The following GFPT1 variants were observed in gnomAD, a reference collection of about 807,000 sequenced individuals.
GFPT1 encodes glutamine--fructose-6-phosphate transaminase 1, also known as glutamine--fructose-6-phosphate aminotransferase [isomerizing] 1.
Under a neutral mutation model 92.0 loss-of-function variants are expected in GFPT1, and 40 were observed. The ratio of observed to expected loss-of-function variants is 0.43; its 90% confidence interval spans 0.34 to 0.57. The LOEUF is 0.57. Ranked by LOEUF, GFPT1 falls within the 20% of genes least tolerant of loss-of-function variation. The pLI is 0.02. For missense variants in GFPT1, 448 were observed against 869.1 expected, an observed-to-expected ratio of 0.52 and a Z score of 6.09; for synonymous variants, 269 against 280.6, an observed-to-expected ratio of 0.96 and a Z score of 0.41.
At position 69,384,570 on chromosome 2, in the gene GFPT1, G is replaced by A. The variant is rs148614976; in HGVS notation, c.7+2495C>T. On this transcript the variant is annotated intron_variant, in intron 1 of 19. Coordinates refer to ENST00000357308, the MANE Select transcript of GFPT1 (RefSeq NM_001244710.2). ...CTACCAAAAATGCAAAAATTAGCCA[G>A]GTGTGGTGGTACACCCCTGTAATCC... Among the ~76,000 whole-genome samples the A allele has an allele frequency of 5.5e-3, 836 of 151,674 alleles. 3 individuals carry two copies. The highest frequency in any genetic ancestry group is 8.0e-3 in the Non-Finnish European group (542 of 67,842).
At chr2:69,371,097 G>A (rs1311581384) in intron 2 of GFPT1, among the ~76,000 whole-genome samples, 13 of 128,922 alleles carry the variant, frequency 1.0e-4, no homozygotes, top group African/African-American at 3.7e-4. Context: ...TTTTTTTTGA[G>A]ACAGGTTCTT....
intron 1 of GFPT1, among the ~76,000 whole-genome samples, chr2:69,376,655 A>C (rs955450283): frequency 2.0e-5 from 3 of 152,240 alleles, no homozygotes; most frequent in Non-Finnish European, 4.4e-5. Context: ...GATTGTTTGC[A>C]GATTGTCCAG....
In GFPT1 at chr2:69,320,040, T is replaced by C. The variant is rs1301831995; in HGVS notation, c.*6149A>G. ...CTTCCATCTCCTTATGGGCATTACT[T>C]GAAGATAACAATGGAGCAAGCTTTT... On this transcript the variant is annotated 3_prime_UTR_variant, in exon 20 of 20. Transcript: ENST00000357308. 3 of 152,210 alleles carry C rather than the reference T, an allele frequency of 2.0e-5. No homozygotes were observed. The highest frequency in any genetic ancestry group is 7.2e-5 in the African/African-American group (3 of 41,450). 9.4% of individuals were successfully genotyped at this position (152,210 alleles called of 1,614,324 possible).
chr2:69,347,842 G>GTT (rs1558749093), intron 11 of GFPT1, among the ~76,000 whole-genome samples: 3 of 152,060 alleles, frequency 2.0e-5, no homozygotes, highest in African/African-American at 7.2e-5. Context: ...TTATCCTCAT[G>GTT]TTATATATAA....
chr2:69,349,877 CT>C (rs1671165793), intron 10 of GFPT1, among the ~76,000 whole-genome samples, 200 bp downstream of exon 10: 1 of 152,118 alleles, frequency 6.6e-6, no homozygotes, highest in African/African-American at 2.4e-5. Flanking sequence ...TATATGTGTT[CT>C]TAGTAAACTG....
intron 1 of GFPT1, 26 bp downstream of exon 1, chr2:69,387,039 A>C: frequency 6.6e-7 from 1 of 1,515,310 alleles, no homozygotes; most frequent in Non-Finnish European, 8.9e-7. Context: ...ACCCGGCAAC[A>C]CGCCCCCCGC....
Position 69,363,565 on chromosome 2 carries a change from T to C in GFPT1, c.329A>G (p.Gln110Arg), listed in dbSNP as rs886056261. 1 of 1,614,094 alleles carries C rather than the reference T, an allele frequency of 6.2e-7. No homozygotes were observed. The highest frequency in any genetic ancestry group is 8.5e-7 in the Non-Finnish European group (1 of 1,179,934). Residue 110 changes from glutamine to arginine, a missense_variant, in exon 4 of 20, where the codon CAG (glutamine) becomes CGG (arginine). This residue lies in a region of GFPT1 where 118 missense variants were observed against 192.9 expected (regional missense o/e 0.61). Transcript: ENST00000357308. ...GEPSPVNSHP[Q>R]RSDKNNEFIV... ...CATACCATTATTTTTATCAGAGCGC[T>C]GGGGGTGGCTATTGACAGGACTGGG...
At position 69,321,042 on chromosome 2, in the gene GFPT1, A is replaced by G. The variant is rs1670391884; in HGVS notation, c.*5147T>C. ...ACTCTAGCTTGCTGTTCATAAAAGGATTCTGTAAGGGAAACTTTGCTCTAT... is the reference window on the plus strand; with the variant it reads ...ACTCTAGCTTGCTGTTCATAAAAGGGTTCTGTAAGGGAAACTTTGCTCTAT... On this transcript the variant is annotated 3_prime_UTR_variant, in exon 20 of 20. Transcript: ENST00000357308. The G allele has an allele frequency of 1.3e-5, 2 of 152,242 alleles. No individual in the cohort carries two copies. The highest frequency in any genetic ancestry group is 4.1e-4 in the South Asian group (2 of 4,836). 9.4% of individuals were successfully genotyped at this position (152,242 alleles called of 1,614,324 possible).
chr2:69,328,825 C>A (rs561109944), intron 17 of GFPT1, among the ~76,000 whole-genome samples: 1 of 151,640 alleles, frequency 6.6e-6, no homozygotes, highest in African/African-American at 2.4e-5. Flanking sequence ...CTTAGCCTCC[C>A]AAGTAGCTGG....
intron 3 of GFPT1, among the ~76,000 whole-genome samples, chr2:69,367,417 G>T (rs1282524376): frequency 6.6e-6 from 1 of 152,136 alleles, no homozygotes; most frequent in African/African-American, 2.4e-5. Context: ...CTGGAGTGCA[G>T]TGGCACGATC....
chr2:69,347,274 C>A (rs529068252), intron 11 of GFPT1, among the ~76,000 whole-genome samples: 1 of 151,516 alleles, frequency 6.6e-6, no homozygotes, highest in African/African-American at 2.4e-5. Flanking sequence ...TGGTCTCAAA[C>A]TCCTGAGCTC....
At chr2:69,354,125 A>G in intron 9 of GFPT1, 134 bp downstream of exon 9, 2 of 543,634 alleles carry the variant, frequency 3.7e-6, no homozygotes, top group Non-Finnish European at 6.2e-6. Flanking sequence ...AAAAATGTCA[A>G]AATATGCTTC....
rs1167618219 is a variant in GFPT1, at chr2:69,320,500, T to A, written c.*5689A>T. On this transcript the variant is annotated 3_prime_UTR_variant, in exon 20 of 20. Transcript: ENST00000357308. ...TATACAATACCTGTCAAATTTGATA[T>A]GTCTGGGCAGGACACGGTGACTCAT... 1.3e-5 allele frequency: 2 copies of A among 152,228 alleles called. No individual in the cohort carries two copies. The highest frequency in any genetic ancestry group is 4.8e-5 in the African/African-American group (2 of 41,450). The allele number at this position is 152,228 out of a possible 1,614,324, so 9.4% of individuals were successfully genotyped here. A position where few individuals can be genotyped will look rare whatever the true frequency, so the allele number is the denominator to read the frequency against.
rs1339680804 is a variant in GFPT1 at position 69,323,923 on chromosome 2, C to T, written c.*2266G>A. On this transcript the variant is annotated 3_prime_UTR_variant, in exon 20 of 20. Coordinates refer to ENST00000357308, the MANE Select transcript of GFPT1 (RefSeq NM_001244710.2). Reference sequence around the variant, plus strand: ...TCTCTTGACCTCATGATCAACCTGCCTCGGCCTCCCAAAGTGCTGGGATTA... The same window carrying T: ...TCTCTTGACCTCATGATCAACCTGCTTCGGCCTCCCAAAGTGCTGGGATTA... The T allele has an allele frequency of 6.6e-6, 1 of 152,278 alleles. No individual in the cohort carries two copies. Among genetic ancestry groups the T allele is most frequent in the Non-Finnish European group, 1.5e-5 (1 of 68,204 alleles). The allele number at this position is 152,278 out of a possible 1,614,324, so 9.4% of individuals were successfully genotyped here. A position where few individuals can be genotyped will look rare whatever the true frequency, so the allele number is the denominator to read the frequency against.
intron 18 of GFPT1, among the ~76,000 whole-genome samples, chr2:69,328,026 G>A (rs1574040264): frequency 6.6e-6 from 1 of 150,990 alleles, no homozygotes; most frequent in South Asian, 2.1e-4. Flanking sequence ...CTGAACCCAG[G>A]AGGCAGAGGT....
chr2:69,353,893 A>G (rs1051412757), intron 9 of GFPT1, among the ~76,000 whole-genome samples: 9 of 152,262 alleles, frequency 5.9e-5, no homozygotes, highest in African/African-American at 2.2e-4. Flanking sequence ...GTTAAAAGTT[A>G]GCCTAAATGA....
intron 3 of GFPT1, among the ~76,000 whole-genome samples, chr2:69,364,755 G>A (rs1252151461): frequency 1.3e-5 from 2 of 152,138 alleles, no homozygotes; most frequent in Non-Finnish European, 2.9e-5. Flanking sequence ...CCAGCACTTC[G>A]GGAGGCAGAG....
At chr2:69,372,216 A>AC (rs1236744900) in intron 2 of GFPT1, among the ~76,000 whole-genome samples, 2 of 150,986 alleles carry the variant, frequency 1.3e-5, no homozygotes, top group African/African-American at 4.9e-5. Context: ...AAAAAAAAAA[A>AC]AAGAAGATTG....
At chr2:69,346,021 A>G (rs752728468) in intron 11 of GFPT1, 22 bp from the exon 12 acceptor site, 1 of 1,240,022 alleles carries the variant, frequency 8.1e-7, no homozygotes, top group Admixed American at 1.7e-5. Context: ...GAAATCACAT[A>G]ATTAAAACAA....
Sources: allele counts gnomAD v4.1 joint callset (sites outside exome capture counted in the v4.1 genomes callset), GRCh38; gene constraint gnomAD v4.1.1; regional missense constraint gnomAD v4.1.1; transcripts MANE v1.5; gene names NCBI Gene and HGNC (gene_info 2026-07-23, HGNC 2026-07-21).